Variants in IFT74 observed in about 807,000 individuals in gnomAD.
IFT74 encodes the protein intraflagellar transport 74, also known as intraflagellar transport protein 74 homolog.
Under a neutral mutation model 96.7 loss-of-function variants are expected in IFT74, and 92 were observed. The ratio of observed to expected loss-of-function variants is 0.95; its 90% CI spans 0.80 to 1.13. IFT74 has a LOEUF of 1.13. Ranked by LOEUF, IFT74 falls within the 50% of genes most tolerant of loss-of-function variation. The pLI is 0.00. For missense variants in IFT74, 811 were observed against 698.2 expected (o/e 1.16, Z -1.82); for synonymous variants, 223 against 213.2 (o/e 1.05, Z -0.40).
rs56762171 is a variant in IFT74 at position 27,011,645 on chromosome 9, GT to G, written c.727-243del. 0.13 allele frequency among the ~76,000 whole-genome samples: 16,776 copies of G among 133,584 alleles called. 1,660 individuals carry two copies. Among genetic ancestry groups the G allele is most frequent in the East Asian group, 0.63 (2,819 of 4,472 alleles). 87.6% of individuals were successfully genotyped at this position (133,584 alleles called of 152,430 possible). A position where few individuals can be genotyped will look rare whatever the true frequency, so the allele number is the denominator to read the frequency against. On this transcript the variant is annotated intron_variant, in intron 9 of 19. Transcript: ENST00000380062. ...TAGCTACTTTTGAGAAACTCATGAA[GT>G]TTTTTTTTTTTTTTTTTGAAGGCAC...
At chr9:27,025,443 C>CAAAAAAAAAAAA (rs57335230) in intron 12 of IFT74, among the ~76,000 whole-genome samples, 4 of 77,700 alleles carry the variant, frequency 5.1e-5, no homozygotes, top group Admixed American at 1.5e-4. Flanking sequence ...ACTCCATCTC[C>CAAAAAAAAAAAA]AAAAAAAAAA....
chr9:26,968,454 G>C (rs929650858), intron 2 of IFT74, among the ~76,000 whole-genome samples: 2 of 152,012 alleles, frequency 1.3e-5, no homozygotes, highest in African/African-American at 4.8e-5. Context: ...TAGAGACTGG[G>C]TTTCACCATG....
At position 26,999,618 on chromosome 9, in the gene IFT74, T is replaced by C. The variant is rs777725816; in HGVS notation, c.588-9402T>C. 1.1e-5 allele frequency: 17 copies of C among 1,593,900 alleles called. No individual in the cohort carries two copies. The highest frequency in any genetic ancestry group is 8.6e-7 in the Non-Finnish European group (1 of 1,167,486). ...ATTTTGATTGTAAAAACTTACTCTT[T>C]TAGAAGACTGGATTTTGTCTGATAA... On this transcript the variant is annotated intron_variant, in intron 8 of 19. Coordinates refer to ENST00000380062, the MANE Select transcript of IFT74 (RefSeq NM_025103.4).
intron 8 of IFT74, among the ~76,000 whole-genome samples, chr9:27,005,150 C>G (rs1209261343): frequency 6.9e-6 from 1 of 145,682 alleles, no homozygotes; most frequent in African/African-American, 2.5e-5. Context: ...GATTTAAAAC[C>G]TTTTTGTAAT....
chr9:26,992,124 T>C (rs1489535015), intron 8 of IFT74, among the ~76,000 whole-genome samples: 2 of 152,220 alleles, frequency 1.3e-5, no homozygotes, highest in African/African-American at 2.4e-5. Flanking sequence ...TATTTCATCA[T>C]TTATCTCAAA....
At chr9:27,020,006 C>G (rs575263091) in intron 12 of IFT74, among the ~76,000 whole-genome samples, 1 of 150,662 alleles carries the variant, frequency 6.6e-6, no homozygotes, top group Non-Finnish European at 1.5e-5. Flanking sequence ...TACAGAGTCC[C>G]AGTTTGTCGC....
intron 1 of IFT74, among the ~76,000 whole-genome samples, 152 bp from the exon 2 acceptor site, chr9:26,961,797 G>A (rs1245855550): frequency 1.3e-5 from 2 of 152,178 alleles, no homozygotes; most frequent in African/African-American, 4.8e-5. Context: ...GGAGCACGAT[G>A]TCATATTTGA....
Position 26,984,326 on chromosome 9 carries a change from G to A in IFT74, c.375G>A (p.Glu125=), listed in dbSNP as rs202120896. Residue 125 remains glutamate (E), a synonymous_variant, in exon 5 of 20, where the codon GAG becomes GAA. Coordinates refer to ENST00000380062, the MANE Select transcript of IFT74 (RefSeq NM_025103.4). ...AGGGAATAGAAATGTACAATCAAGA[G>A]AATTCAGTATATTTGTCATATGAAA... ...LQKGIEMYNQ[E]NSVYLSYEKR... 3,117 of 1,583,912 alleles carry A rather than the reference G, an allele frequency of 2.0e-3. 39 individuals are homozygous for A. The highest frequency in any genetic ancestry group is 0.018 in the South Asian group (1,570 of 85,854).
intron 16 of IFT74, among the ~76,000 whole-genome samples, chr9:27,053,921 A>G (rs1251338783): frequency 6.6e-6 from 1 of 152,234 alleles, no homozygotes; most frequent in South Asian, 2.1e-4. Flanking sequence ...CGTGGTAGAG[A>G]TAAGAATCCA....
At chr9:26,975,373 C>T (rs909166876) in intron 2 of IFT74, among the ~76,000 whole-genome samples, 2 of 152,020 alleles carry the variant, frequency 1.3e-5, no homozygotes, top group Admixed American at 6.6e-5. Flanking sequence ...TTAACATGTT[C>T]GATTAAGAGC....
intron 2 of IFT74, among the ~76,000 whole-genome samples, chr9:26,967,233 T>A (rs560671374): frequency 1.1e-4 from 16 of 152,246 alleles, no homozygotes; most frequent in Middle Eastern, 6.8e-3. Context: ...TCCATGAACA[T>A]GGAATATCTT....
chr9:27,012,086 T>A, intron 10 of IFT74, 118 bp downstream of exon 10: 1 of 565,224 alleles, frequency 1.8e-6, no homozygotes, highest in Non-Finnish European at 3.0e-6. Context: ...CTAATAGGAG[T>A]TTAATACTTT....
chr9:26,957,163 A>C (rs1826148051), intron 1 of IFT74, among the ~76,000 whole-genome samples: 3 of 152,224 alleles, frequency 2.0e-5, no homozygotes, highest in Admixed American at 6.5e-5. Flanking sequence ...TCTTTGATTG[A>C]ATAACCCCGA....
intron 12 of IFT74, among the ~76,000 whole-genome samples, chr9:27,026,639 G>A (rs1829871629): frequency 1.3e-5 from 2 of 151,908 alleles, no homozygotes; most frequent in Non-Finnish European, 2.9e-5. Flanking sequence ...AGACCACAGT[G>A]GAATAAAACT....
At chr9:26,954,440 C>T (rs754467909), upstream of IFT74, among the ~76,000 whole-genome samples, 1 of 152,150 alleles carries the variant, frequency 6.6e-6, no homozygotes, top group Non-Finnish European at 1.5e-5. Context: ...GAGCCCCAAA[C>T]CACTTATGAT....
At chr9:27,056,273 G>T (rs1820152465) in intron 17 of IFT74, 61 bp from the exon 18 acceptor site, 2 of 1,256,236 alleles carry the variant, frequency 1.6e-6, no homozygotes, top group Non-Finnish European at 2.2e-6. Context: ...AGTTAAATAT[G>T]ATTTATATTG....
rs544626188 is a variant in IFT74, at chr9:27,065,395, C to T, written c.*2659C>T. Among the ~76,000 whole-genome samples, 1 of 152,228 alleles carries T rather than the reference C, an allele frequency of 6.6e-6. No homozygotes were observed. Among genetic ancestry groups the T allele is most frequent in the East Asian group, 1.9e-4 (1 of 5,180 alleles). ...GTCACATTACTCAGGGGGTTCCATT[C>T]ATGCTAAAATAACACCTTGTAAGTC... On this transcript the variant is annotated 3_prime_UTR_variant, in exon 20 of 20. Transcript: ENST00000380062.
At chr9:27,002,831 T>A (rs1828572814) in intron 8 of IFT74, among the ~76,000 whole-genome samples, 1 of 152,200 alleles carries the variant, frequency 6.6e-6, no homozygotes, top group South Asian at 2.1e-4. Context: ...ATGAAGAGCG[T>A]CACTGTATTT....
rs751604231 is a variant in IFT74, at chr9:27,056,461, T to TA, written c.1623+8dup. 1.3e-5 allele frequency: 20 copies of TA among 1,587,454 alleles called. 1 individual carries two copies. Among genetic ancestry groups the TA allele is most frequent in the South Asian group, 9.3e-5 (8 of 85,634 alleles). Reference sequence around the variant, plus strand: ...CAAGAAAATGAGACACATTCTCAGGTAAAAAATGTTTTAAATGACTTTGAA... The same window carrying TA: ...CAAGAAAATGAGACACATTCTCAGGTAAAAAAATGTTTTAAATGACTTTGAA... On this transcript the variant is annotated splice_region_variant and intron_variant, in intron 18 of 19. Transcript: ENST00000380062.
Sources: gnomAD v4.1 joint callset for allele counts (sites outside exome capture counted in the v4.1 genomes callset) on GRCh38, gnomAD v4.1.1 for gene constraint, MANE v1.5 for transcripts, NCBI Gene and HGNC (gene_info 2026-07-23, HGNC 2026-07-21) for gene names.